CEP152: variants seen among roughly 807,000 people sequenced by gnomAD.
The protein encoded by CEP152 is centrosomal protein 152.
A neutral mutation model predicts 188.9 loss-of-function variants in CEP152; 132 were observed. The ratio of observed to expected loss-of-function variants is 0.70; its 90% confidence interval spans 0.61 to 0.81. CEP152 has a LOEUF of 0.81. Ranked by LOEUF, CEP152 falls within the 30% of genes least tolerant of loss-of-function variation. The pLI, the probability that CEP152 is intolerant of heterozygous loss-of-function variation, is 0.00. For synonymous variants in CEP152, 649 were observed against 666.6 expected (o/e 0.97, Z 0.41); for missense variants, 1,914 against 1,969.8 (o/e 0.97, Z 0.54).
At chr15:48,778,534 C>T (rs1385730717) in intron 12 of CEP152, among the ~76,000 whole-genome samples, 1 of 152,110 alleles carries the variant, frequency 6.6e-6, no homozygotes, top group Non-Finnish European at 1.5e-5. Flanking sequence ...TTTTGCCGAG[C>T]CTCAGTGACT....
intron 12 of CEP152, among the ~76,000 whole-genome samples, chr15:48,774,665 T>C (rs1177811367): frequency 6.6e-6 from 1 of 152,028 alleles, no homozygotes; most frequent in Non-Finnish European, 1.5e-5. Context: ...CATACACAGG[T>C]TGGATTCAAA....
intron 1 of CEP152, among the ~76,000 whole-genome samples, chr15:48,807,532 G>C (rs1809947114): frequency 6.7e-6 from 1 of 150,154 alleles, no homozygotes; most frequent in Admixed American, 6.6e-5. Flanking sequence ...TCCGCAGTCC[G>C]GCCTGGGCGA....
chr15:48,785,677 G>A (rs1896574904), intron 9 of CEP152, among the ~76,000 whole-genome samples: 1 of 151,958 alleles, frequency 6.6e-6, no homozygotes, highest in African/African-American at 2.4e-5. Flanking sequence ...ATTAAACTAT[G>A]GTGTATCCTA....
rs780746794 is a variant in CEP152, at chr15:48,738,576, T to C, written c.4806A>G (p.Pro1602=). The C allele has an allele frequency of 1.2e-6, 2 of 1,614,220 alleles. No individual in the cohort carries two copies. The highest frequency in any genetic ancestry group is 1.1e-5 in the South Asian group (1 of 91,086). Residue 1602 remains proline, a synonymous_variant, in exon 27 of 27, where the codon CCA becomes CCG. Transcript: ENST00000380950. ...HGRPQGTLEI[P]SESVKSKQFS... ...ACTGTTTGGATTTAACAGATTCACT[T>C]GGTATTTCCAAAGTTCCTTGTGGCC...
intron 26 of CEP152, chr15:48,740,970 T>G (rs1247901544): frequency 1.1e-6 from 1 of 936,918 alleles, no homozygotes; most frequent in Non-Finnish European, 1.3e-6. Flanking sequence ...CCTCTATTTC[T>G]CCTGGAACAT....
chr15:48,773,934 A>G (rs1237445752), intron 12 of CEP152, among the ~76,000 whole-genome samples: 3 of 152,240 alleles, frequency 2.0e-5, no homozygotes, highest in South Asian at 2.1e-4. Context: ...TATGAACCAT[A>G]CCAGGAGAAA....
chr15:48,746,655 T>C lies in CEP152; in HGVS notation c.3635-1663A>G, dbSNP rs77537645. On this transcript the variant is annotated intron_variant, in intron 22 of 26. Transcript: ENST00000380950. ...TCAGTGGTAGTTACAGGTGGCTTCT[T>C]TTAGCAGTATTTCCCGAGTTGTGCT... Among the ~76,000 whole-genome samples, 926 of 152,280 alleles carry C rather than the reference T, an allele frequency of 6.1e-3. 8 individuals carry two copies. The highest frequency in any genetic ancestry group is 0.021 in the African/African-American group (889 of 41,562).
intron 1 of CEP152, among the ~76,000 whole-genome samples, chr15:48,809,852 C>G (rs2140947015): frequency 6.6e-6 from 1 of 152,288 alleles, no homozygotes; most frequent in East Asian, 1.9e-4. Context: ...TTCCGCATAT[C>G]TGAGAAAAGG....
At chr15:48,803,486 A>G (rs1239900770) in intron 2 of CEP152, among the ~76,000 whole-genome samples, 1 of 152,214 alleles carries the variant, frequency 6.6e-6, no homozygotes, top group Non-Finnish European at 1.5e-5. Context: ...TTTCCCTTGC[A>G]GCAATTATTT....
Position 48,738,938 on chromosome 15 carries a change from G to C in CEP152, c.4444C>G (p.Leu1482Val). 6.2e-7 allele frequency: 1 copy of C among 1,614,090 alleles called. No individual in the cohort carries two copies. Among genetic ancestry groups the C allele is most frequent in the Non-Finnish European group, 8.5e-7 (1 of 1,179,952 alleles). The change falls in exon 27 of 27, where the codon CTC (leucine) becomes GTC (valine). Residue 1482 changes from leucine to valine, a missense_variant. Coordinates refer to ENST00000380950, the MANE Select transcript of CEP152 (RefSeq NM_001194998.2). ...AGTGATTCAGAACCATTATCACTGA[G>C]TAGGTCTTTCTTCTTGTGCAAACCA... ...GFGLHKKKDL[L>V]SDNGSESLPH...
chr15:48,805,373 C>T (rs1298985610), intron 2 of CEP152, 190 bp downstream of exon 2: 1 of 672,750 alleles, frequency 1.5e-6, no homozygotes, highest in African/African-American at 1.8e-5. Flanking sequence ...TTATTCCTGT[C>T]TCAAAAACAG....
intron 18 of CEP152, 26 bp from the exon 19 acceptor site, chr15:48,760,292 G>C (rs1447280538): frequency 2.5e-6 from 4 of 1,613,106 alleles, no homozygotes; most frequent in Non-Finnish European, 3.4e-6. Flanking sequence ...AAAGAAAGAG[G>C]TAAAGGGAAG....
chr15:48,795,765 A>G (rs1326422737), intron 6 of CEP152, among the ~76,000 whole-genome samples: 1 of 152,190 alleles, frequency 6.6e-6, no homozygotes, highest in African/African-American at 2.4e-5. Flanking sequence ...GGCCACATCT[A>G]TATTCCCACC....
Position 48,738,448 on chromosome 15 carries a change from G to A in CEP152, c.4934C>T (p.Thr1645Met), listed in dbSNP as rs909160279. 9 of 1,614,170 alleles carry A rather than the reference G, an allele frequency of 5.6e-6. No individual in the cohort carries two copies. Among genetic ancestry groups the A allele is most frequent in the Middle Eastern group, 1.7e-4 (1 of 6,060 alleles). The stretch of plus-strand genomic sequence containing the variant: ...ACTGATCTTTCCTGGCTCCAAATAC[G>A]TGGTTTCTTCTGACAGGTATGGAGT... ...YQTPYLSEETTYLEPGKISVN... is the reference protein window; with the variant it reads ...YQTPYLSEETMYLEPGKISVN... The change falls in exon 27 of 27, where the codon ACG becomes ATG. Residue 1645 changes from threonine to methionine, a missense_variant. By Grantham distance (81) the Thr-to-Met change is moderately conservative (BLOSUM62 -1). Coordinates refer to ENST00000380950, the MANE Select transcript of CEP152 (RefSeq NM_001194998.2).
intron 1 of CEP152, chr15:48,810,132 G>C (rs1186579140): frequency 6.6e-6 from 1 of 152,194 alleles, no homozygotes. Flanking sequence ...TCAGACTCAA[G>C]TTCATGACTA....
chr15:48,805,989 T>C (rs1897962640), intron 1 of CEP152, among the ~76,000 whole-genome samples: 2 of 152,002 alleles, frequency 1.3e-5, no homozygotes, highest in South Asian at 4.1e-4. Flanking sequence ...AATGTAAAAA[T>C]CTTAAGCTCA....
intron 17 of CEP152, among the ~76,000 whole-genome samples, chr15:48,766,172 A>G (rs1241475079): frequency 2.0e-5 from 3 of 152,178 alleles, no homozygotes; most frequent in Admixed American, 2.0e-4. Context: ...ATTCAACAAT[A>G]ATCAAGATAT....
At chr15:48,781,013 A>G (rs1896206238) in intron 12 of CEP152, among the ~76,000 whole-genome samples, 183 bp downstream of exon 12, 1 of 152,230 alleles carries the variant, frequency 6.6e-6, no homozygotes, top group African/African-American at 2.4e-5. Context: ...GGTCATAGTA[A>G]GGTTTCTAGG....
Position 48,760,153 on chromosome 15 carries a change from C to T in CEP152, c.2676G>A (p.Glu892=), listed in dbSNP as rs754515107. 4.3e-6 allele frequency: 7 copies of T among 1,613,876 alleles called. No individual in the cohort carries two copies. The East Asian group carries it at 1.1e-4, about 26-fold the overall frequency. ...CTCTTACCCTTTTGTTCACAGAGAC[C>T]TCATGCTGTTCTTCCCACTTTTTCT... is the stretch of plus-strand genomic sequence containing the variant. ...AEQKKWEEQH[E]VSVNKRISFA... The change falls in exon 19 of 27, where the codon GAG becomes GAA. Residue 892 remains glutamate (E), a synonymous_variant. Transcript: ENST00000380950.
Sources: allele counts gnomAD v4.1 joint callset (sites outside exome capture counted in the v4.1 genomes callset), GRCh38; gene constraint gnomAD v4.1.1; transcripts MANE v1.5; gene names NCBI Gene and HGNC (gene_info 2026-07-23, HGNC 2026-07-21).